The following ACTR3C variants were observed in gnomAD, a reference collection of about 807,000 sequenced individuals.
ACTR3C encodes the protein actin related protein 3C.
In ACTR3C, 18 loss-of-function variants were observed where a neutral mutation model predicts 26.3. The ratio of observed to expected loss-of-function variants is 0.68; its 90% CI spans 0.47 to 1.01. ACTR3C has a LOEUF of 1.01. Among genes scored for constraint, ACTR3C ranks in the 50% least tolerant of loss-of-function variants. ACTR3C has a pLI of 0.00. For missense variants in ACTR3C, 184 were observed against 250.7 expected, an observed-to-expected ratio of 0.73 and a Z score of 1.80; for synonymous variants, 55 against 94.5, an observed-to-expected ratio of 0.58 and a Z score of 2.42.
chr7:150,136,201 C>A, the ACTR3C span, among the ~76,000 whole-genome samples: 1 of 152,204 alleles, frequency 6.6e-6, no homozygotes, highest in Non-Finnish European at 1.5e-5. Flanking sequence ...CACATTTTCA[C>A]GGAGCCCTGG....
At chr7:150,190,110 A>G in the ACTR3C span, among the ~76,000 whole-genome samples, 7 of 152,164 alleles carry the variant, frequency 4.6e-5, no homozygotes. Context: ...AATAATACTC[A>G]TAGAGTGGTA....
the ACTR3C span, among the ~76,000 whole-genome samples, chr7:150,034,988 C>T: frequency 2.0e-5 from 3 of 146,388 alleles, no homozygotes; most frequent in African/African-American, 7.5e-5. Context: ...GGGGTGCCTC[C>T]CCCTCCTGTG....
chr7:149,947,109 T>C, the ACTR3C span, among the ~76,000 whole-genome samples: 1 of 151,568 alleles, frequency 6.6e-6, no homozygotes, highest in Non-Finnish European at 1.5e-5. Flanking sequence ...TACACATCAC[T>C]GAGTCAGTGG....
chr7:150,158,403 G>C, the ACTR3C span, among the ~76,000 whole-genome samples: 1,416 of 152,188 alleles, frequency 9.3e-3, 18 homozygotes, highest in Non-Finnish European at 0.014. Flanking sequence ...GCACTCCCAT[G>C]CTCACTGCAC....
intron 6 of ACTR3C, among the ~76,000 whole-genome samples, chr7:150,266,542 TA>T (rs1180189927): frequency 6.6e-6 from 1 of 152,042 alleles, no homozygotes; most frequent in African/African-American, 2.4e-5. Flanking sequence ...AGCTAGCACA[TA>T]AAAAAGCATG....
chr7:149,995,792 C>T, the ACTR3C span, among the ~76,000 whole-genome samples: 10 of 152,382 alleles, frequency 6.6e-5, no homozygotes, highest in South Asian at 4.1e-4. Flanking sequence ...ACCACAGCTC[C>T]GTGAGGGGCA....
At chr7:150,184,774 G>A in the ACTR3C span, among the ~76,000 whole-genome samples, 1 of 148,498 alleles carries the variant, frequency 6.7e-6, no homozygotes, top group Non-Finnish European at 1.5e-5. Context: ...TCACATAACT[G>A]CTTAAGTCTC....
At chr7:150,037,901 C>T in the ACTR3C span, among the ~76,000 whole-genome samples, 8 of 134,258 alleles carry the variant, frequency 6.0e-5, 1 homozygote, top group African/African-American at 2.3e-4. Flanking sequence ...GAGGGGCTCG[C>T]TCTCAGTCCC....
At chr7:150,048,651 C>CCACG in the ACTR3C span, among the ~76,000 whole-genome samples, 4 of 151,648 alleles carry the variant, frequency 2.6e-5, no homozygotes, top group Non-Finnish European at 5.9e-5. Flanking sequence ...GGCGCCCCAG[C>CCACG]CACGCACGCG....
chr7:150,061,459 C>A, the ACTR3C span, among the ~76,000 whole-genome samples: 5 of 148,738 alleles, frequency 3.4e-5, no homozygotes, highest in Non-Finnish European at 7.5e-5. Flanking sequence ...ATCAAGAGAT[C>A]CACCGGGCAC....
the ACTR3C span, among the ~76,000 whole-genome samples, chr7:150,038,097 T>G: frequency 1.5e-5 from 2 of 130,206 alleles, no homozygotes; most frequent in African/African-American, 6.0e-5. Context: ...TCCCCCCCTG[T>G]GATGGGAGTC....
the ACTR3C span, among the ~76,000 whole-genome samples, chr7:149,975,554 A>G: frequency 6.6e-6 from 1 of 152,106 alleles, no homozygotes; most frequent in East Asian, 1.9e-4. Context: ...AATAAATAAT[A>G]GAGCAGAACT....
the ACTR3C span, among the ~76,000 whole-genome samples, chr7:149,918,904 T>C: frequency 0.63 from 95,927 of 151,912 alleles, 30,587 homozygotes; most frequent in South Asian, 0.74. Flanking sequence ...TTGGTGCCCA[T>C]GTACCTGTGG....
At chr7:150,025,590 G>T in the ACTR3C span, among the ~76,000 whole-genome samples, 2 of 151,882 alleles carry the variant, frequency 1.3e-5, no homozygotes, top group South Asian at 2.1e-4. Flanking sequence ...TTATGTGAAG[G>T]CTTAGTATAA....
chr7:150,179,899 G>C, the ACTR3C span, among the ~76,000 whole-genome samples: 1 of 151,464 alleles, frequency 6.6e-6, no homozygotes, highest in African/African-American at 2.5e-5. Flanking sequence ...GAGAATGACT[G>C]TTAGGGTTTA....
At chr7:150,083,943 T>TAAAACTACC in the ACTR3C span, among the ~76,000 whole-genome samples, 1 of 152,202 alleles carries the variant, frequency 6.6e-6, no homozygotes, top group Non-Finnish European at 1.5e-5. Context: ...CCCCAAAATC[T>TAAAACTACC]AAAACTACCA....
At chr7:150,035,937 TG>T in the ACTR3C span, among the ~76,000 whole-genome samples, 2 of 126,098 alleles carry the variant, frequency 1.6e-5, no homozygotes, top group Non-Finnish European at 3.5e-5. Flanking sequence ...CCTCCTGCGA[TG>T]GGGGTCCTCA....
the ACTR3C span, chr7:150,002,021 C>A: frequency 1.3e-5 from 2 of 152,292 alleles, no homozygotes; most frequent in Admixed American, 1.3e-4. Context: ...ATAGGCTCAC[C>A]AGCTGCACAC....
At chr7:150,259,347 GAGAA>G (rs906164770) in intron 6 of ACTR3C, among the ~76,000 whole-genome samples, 14 of 151,828 alleles carry the variant, frequency 9.2e-5, no homozygotes, top group African/African-American at 2.4e-4. Context: ...AAGAAAGACA[GAGAA>G]AGAAAGAAAG....
Sources: allele counts gnomAD v4.1 joint callset (sites outside exome capture counted in the v4.1 genomes callset), GRCh38; gene constraint gnomAD v4.1.1; transcripts MANE v1.5; gene names NCBI Gene and HGNC (gene_info 2026-07-23, HGNC 2026-07-21).